CPEB4: variants seen among roughly 807,000 people sequenced by gnomAD.
CPEB4 encodes the protein cytoplasmic polyadenylation element binding protein 4.
A neutral mutation model predicts 72.5 loss-of-function variants in CPEB4; 12 were observed. The observed-to-expected ratio is 0.17, with a 90% CI of 0.11 to 0.27. The LOEUF (loss-of-function observed/expected upper bound fraction) is 0.27. CPEB4 is among the 10% of genes least tolerant of loss of function. The probability of loss-of-function intolerance (pLI) is 1.00; values close to 1 mark genes in which losing one functional copy is unlikely to be tolerated. For synonymous variants in CPEB4, 302 were observed against 326.3 expected, an observed-to-expected ratio of 0.93 and a Z score of 0.80; for missense variants, 614 against 908.5, an observed-to-expected ratio of 0.68 and a Z score of 4.17.
At chr5:173,946,333 C>T (rs1758013780) in intron 5 of CPEB4, among the ~76,000 whole-genome samples, 1 of 152,078 alleles carries the variant, frequency 6.6e-6, no homozygotes, top group Admixed American at 6.6e-5. Context: ...CTAAAAATTA[C>T]AGGGTTTATG....
chr5:173,893,931 A>T lies in CPEB4; in HGVS notation c.1125+3073A>T, dbSNP rs1400506975. 2.0e-5 allele frequency among the ~76,000 whole-genome samples: 3 copies of T among 152,120 alleles called. No homozygotes were observed. The East Asian group carries it at 5.8e-4, about 29-fold the overall frequency. ...GTATATTAAAAGGTGTTTCTAAGTT[A>T]TTTTTGCTTAGCTTAAAGCTTCATT... is the stretch of plus-strand genomic sequence containing the variant. On this transcript the variant is annotated intron_variant, in intron 1 of 9. Coordinates refer to ENST00000265085, the MANE Select transcript of CPEB4 (RefSeq NM_030627.4).
chr5:173,917,964 A>G (rs1201689772), intron 2 of CPEB4, among the ~76,000 whole-genome samples: 1 of 152,218 alleles, frequency 6.6e-6, no homozygotes, highest in African/African-American at 2.4e-5. Context: ...GGTTTGGATG[A>G]TACCAAGTAA....
In CPEB4 at chr5:173,889,881, G is replaced by T; in HGVS notation, c.148G>T (p.Ala50Ser). 1 of 1,614,032 alleles carries T rather than the reference G, an allele frequency of 6.2e-7. No individual in the cohort carries two copies. ...TGCTGCTTTTATAAATAATAACACA[G>T]CTGCCAATGGCAGCAGTGCTGGGTC... is the stretch of plus-strand genomic sequence containing the variant. The part of the protein sequence containing the change: ...SPAAFINNNT[A>S]ANGSSAGSAW... The change falls in exon 1 of 10, where the codon GCT becomes TCT. Residue 50 changes from alanine (A) to serine (S), a missense_variant. Transcript: ENST00000265085.
intron 3 of CPEB4, among the ~76,000 whole-genome samples, chr5:173,934,908 A>T (rs1312519321): frequency 1.3e-5 from 2 of 152,232 alleles, no homozygotes. Flanking sequence ...TCTGTAGACA[A>T]ATTAACCTCA....
chr5:173,956,338 C>G lies in CPEB4; in HGVS notation c.*201C>G, dbSNP rs1026871440. On this transcript the variant is annotated 3_prime_UTR_variant, in exon 10 of 10. Coordinates refer to ENST00000265085, the MANE Select transcript of CPEB4 (RefSeq NM_030627.4). The stretch of plus-strand genomic sequence containing the variant: ...CTGCAAACAATATGAACTCCTTTTT[C>G]GTATTGCCATCGGGTTGCATGGAAG... 1 of 480,370 alleles carries G rather than the reference C, an allele frequency of 2.1e-6. No homozygotes were observed. The highest frequency in any genetic ancestry group is 2.0e-5 in the African/African-American group (1 of 50,988). The allele number at this position is 480,370 out of a possible 1,614,324, so 29.8% of individuals were successfully genotyped here. A position where few individuals can be genotyped will look rare whatever the true frequency, so the allele number is the denominator to read the frequency against.
intron 2 of CPEB4, among the ~76,000 whole-genome samples, chr5:173,931,655 G>C (rs566067515): frequency 2.2e-4 from 34 of 152,272 alleles, no homozygotes; most frequent in African/African-American, 7.9e-4. Flanking sequence ...TGTGTACTCA[G>C]TAAGGATTTG....
intron 1 of CPEB4, among the ~76,000 whole-genome samples, chr5:173,898,651 G>A (rs359421): frequency 0.65 from 98,920 of 152,144 alleles, 33,019 homozygotes; most frequent in Non-Finnish European, 0.73. Flanking sequence ...CTGAAAACCC[G>A]TGTGTAACTG....
chr5:173,949,936 G>A (rs1299999362), intron 6 of CPEB4, 24 bp from the exon 7 acceptor site: 12 of 1,476,194 alleles, frequency 8.1e-6, no homozygotes, highest in Non-Finnish European at 1.1e-5. Flanking sequence ...AAACATGTAA[G>A]CCTTCTTTCC....
rs1755768485 is a variant in CPEB4 at position 173,890,434 on chromosome 5, C to G, written c.701C>G (p.Pro234Arg). 6.2e-7 allele frequency: 1 copy of G among 1,613,208 alleles called. No individual in the cohort carries two copies. Among genetic ancestry groups the G allele is most frequent in the South Asian group, 1.1e-5 (1 of 90,940 alleles). The change falls in exon 1 of 10, where the codon CCA becomes CGA. Residue 234 changes from proline to arginine, a missense_variant. Pro to Arg is a moderately radical substitution (Grantham distance 103, BLOSUM62 -2). Around this residue, in one of 5 missense-constraint regions of CPEB4, gnomAD observed 458 missense variants for 548.6 expected, o/e 0.83. Coordinates refer to ENST00000265085, the MANE Select transcript of CPEB4 (RefSeq NM_030627.4). ...PQIGPLSQHHPHHPHFQHHHS... is the reference protein window; with the variant it reads ...PQIGPLSQHHRHHPHFQHHHS... Reference sequence around the variant, plus strand: ...ATCGGGCCTCTCTCACAGCACCACCCACATCACCCTCATTTCCAGCATCAT... The same window carrying G: ...ATCGGGCCTCTCTCACAGCACCACCGACATCACCCTCATTTCCAGCATCAT...
intron 3 of CPEB4, among the ~76,000 whole-genome samples, chr5:173,940,911 A>G (rs944300139): frequency 2.0e-5 from 3 of 152,182 alleles, no homozygotes; most frequent in African/African-American, 7.2e-5. Flanking sequence ...ATTATTTTAT[A>G]TTGACCAGTT....
At chr5:173,896,207 A>C (rs1292857542) in intron 1 of CPEB4, among the ~76,000 whole-genome samples, 1 of 152,216 alleles carries the variant, frequency 6.6e-6, no homozygotes, top group Admixed American at 6.5e-5. Flanking sequence ...CTCACATAAG[A>C]TAATGTGAAT....
chr5:173,904,690 A>T (rs12332402), intron 1 of CPEB4, among the ~76,000 whole-genome samples: 45,795 of 148,872 alleles, frequency 0.31, 7,317 homozygotes, highest in South Asian at 0.49. Context: ...CCAAGGAAGG[A>T]TCACTTACTT....
intron 5 of CPEB4, among the ~76,000 whole-genome samples, chr5:173,946,881 C>T (rs1010290110): frequency 6.6e-6 from 1 of 152,228 alleles, no homozygotes; most frequent in South Asian, 2.1e-4. Context: ...ACTCTGCTCA[C>T]ACTACGTATT....
intron 1 of CPEB4, chr5:173,893,194 T>G (rs1173583832): frequency 6.6e-6 from 1 of 152,234 alleles, no homozygotes; most frequent in African/African-American, 2.4e-5. Flanking sequence ...GTAAGTAAAC[T>G]GACCACTGTG....
At chr5:173,944,474 CAAA>C (rs5873401) in intron 4 of CPEB4, among the ~76,000 whole-genome samples, 82 of 118,508 alleles carry the variant, frequency 6.9e-4, no homozygotes, top group Non-Finnish European at 6.9e-4. Flanking sequence ...GACACTGTCT[CAAA>C]AAAAAAAAAA....
At chr5:173,951,133 G>A (rs985509859) in intron 7 of CPEB4, among the ~76,000 whole-genome samples, 4 of 152,112 alleles carry the variant, frequency 2.6e-5, no homozygotes, top group African/African-American at 9.7e-5. Flanking sequence ...ATCCCCATCC[G>A]TATTTGAATT....
chr5:173,921,914 T>C (rs1214547137), intron 2 of CPEB4, among the ~76,000 whole-genome samples: 1 of 152,228 alleles, frequency 6.6e-6, no homozygotes, highest in Non-Finnish European at 1.5e-5. Flanking sequence ...CATTTCTCTT[T>C]TATTCAGTGC....
intron 1 of CPEB4, among the ~76,000 whole-genome samples, chr5:173,907,837 G>A (rs1756498914): frequency 1.3e-5 from 2 of 152,222 alleles, no homozygotes; most frequent in Non-Finnish European, 2.9e-5. Context: ...CTTTTGGACA[G>A]TCTTGTGGGC....
Position 173,890,650 on chromosome 5 carries a change from ATGG to A in CPEB4, c.921_923del (p.Gly308del). 1.2e-6 allele frequency: 2 copies of A among 1,614,108 alleles called. No homozygotes were observed. The highest frequency in any genetic ancestry group is 1.7e-6 in the Non-Finnish European group (2 of 1,179,970). ...TCCTGGAGCCCGGGCGGTGGTGGAT[ATGG>A]TGGCTGGGGAGGTTCCCAAGGCCGA... On this transcript the variant is annotated inframe_deletion, in exon 1 of 10. Transcript: ENST00000265085.
Sources: gnomAD v4.1 joint callset for allele counts (sites outside exome capture counted in the v4.1 genomes callset) on GRCh38, gnomAD v4.1.1 for gene constraint, gnomAD v4.1.1 regional missense constraint, MANE v1.5 for transcripts, NCBI Gene and HGNC (gene_info 2026-07-23, HGNC 2026-07-21) for gene names.